CAPN14: variants seen among roughly 807,000 people sequenced by gnomAD.
CAPN14 encodes calpain 14.
Under a neutral mutation model 101.3 loss-of-function variants are expected in CAPN14, and 94 were observed. The observed-to-expected ratio is 0.93, with a 90% CI of 0.79 to 1.10. The LOEUF is 1.10. Ranked by LOEUF, CAPN14 falls within the 50% of genes least tolerant of loss-of-function variation. CAPN14 has a pLI of 0.00. For synonymous variants in CAPN14, 338 were observed against 317.9 expected (o/e 1.06, Z -0.67); for missense variants, 837 against 828.4 (o/e 1.01, Z -0.13).
intron 15 of CAPN14, among the ~76,000 whole-genome samples, chr2:31,187,459 T>C (rs72797132): frequency 0.34 from 49,365 of 145,132 alleles, 9,645 homozygotes; most frequent in African/African-American, 0.55. Context: ...AACTCTGACA[T>C]TCTACTCTGC....
chr2:31,212,726 C>T (rs1682463744), intron 1 of CAPN14, among the ~76,000 whole-genome samples: 1 of 152,222 alleles, frequency 6.6e-6, no homozygotes, highest in African/African-American at 2.4e-5. Flanking sequence ...TACTGAACAC[C>T]TACTATGTGC....
rs1189243008 is a variant in CAPN14 at position 31,199,011 on chromosome 2, GT to G, written c.789+458del. ...TCCTCCTCATTTTCAGATATGGTTT[GT>G]GACCATACCTGACTGTAAGCCCTTT... On this transcript the variant is annotated intron_variant, in intron 7 of 21. Transcript: ENST00000403897. Among the ~76,000 whole-genome samples, 3 of 152,258 alleles carry G rather than the reference GT, an allele frequency of 2.0e-5. No individual in the cohort carries two copies. The East Asian group carries it at 5.8e-4, about 29-fold the overall frequency.
intron 1 of CAPN14, among the ~76,000 whole-genome samples, chr2:31,229,745 A>T (rs1007461454): frequency 2.6e-5 from 4 of 151,822 alleles, no homozygotes; most frequent in African/African-American, 9.7e-5. Context: ...TATATAGCTG[A>T]AGCTCCCTGT....
intron 1 of CAPN14, among the ~76,000 whole-genome samples, chr2:31,206,473 G>A (rs1440831849): frequency 2.0e-5 from 3 of 152,080 alleles, no homozygotes; most frequent in Admixed American, 6.5e-5. Context: ...GGCTGGTCTC[G>A]AACTCCTGAC....
At chr2:31,201,601 C>T (rs1681781880) in intron 5 of CAPN14, among the ~76,000 whole-genome samples, 1 of 152,196 alleles carries the variant, frequency 6.6e-6, no homozygotes. Flanking sequence ...TCCTTCCATC[C>T]CAGGAGCAAA....
chr2:31,227,793 G>A (rs989262751), intron 1 of CAPN14, among the ~76,000 whole-genome samples: 1 of 152,240 alleles, frequency 6.6e-6, no homozygotes, highest in African/African-American at 2.4e-5. Flanking sequence ...GCGTCAGGCT[G>A]AAGACGTGCC....
intron 15 of CAPN14, 63 bp from the exon 16 acceptor site, chr2:31,186,548 G>A: frequency 8.1e-7 from 1 of 1,233,172 alleles, no homozygotes; most frequent in Admixed American, 2.3e-5. Flanking sequence ...AGATGGCAGA[G>A]GGGTCATATG....
At chr2:31,220,811 T>C (rs1257427670), upstream of CAPN14, among the ~76,000 whole-genome samples, 1 of 152,202 alleles carries the variant, frequency 6.6e-6, no homozygotes, top group African/African-American at 2.4e-5. Context: ...GTCATGCTAT[T>C]CCTTGATGTT....
rs545138483 is a variant in CAPN14 at position 31,181,177 on chromosome 2, C to A, written c.1646-177G>T. Among the ~76,000 whole-genome samples the A allele has an allele frequency of 1.6e-3, 246 of 152,172 alleles. 1 individual carries two copies. The highest frequency in any genetic ancestry group is 2.8e-3 in the Non-Finnish European group (190 of 68,002). Reference sequence around the variant, plus strand: ...ACGGGGGGGTGACGGTCGTTCCTACCCATGGAGAAAGTCAAATGCTATAGG... The same window carrying A: ...ACGGGGGGGTGACGGTCGTTCCTACACATGGAGAAAGTCAAATGCTATAGG... On this transcript the variant is annotated intron_variant, in intron 16 of 21. Transcript: ENST00000403897.
chr2:31,211,654 T>C (rs2148699216), intron 1 of CAPN14, among the ~76,000 whole-genome samples: 2 of 120,130 alleles, frequency 1.7e-5, no homozygotes, highest in East Asian at 5.8e-4. Context: ...TATTATTAAA[T>C]GAGCACGTGT....
Position 31,177,239 on chromosome 2 carries a change from C to A in CAPN14, c.1856-97G>T, listed in dbSNP as rs1325603724. 7.1e-6 allele frequency: 5 copies of A among 705,426 alleles called. No individual in the cohort carries two copies. The Admixed American group carries it at 8.4e-5, about 12-fold the overall frequency. 43.7% of individuals were successfully genotyped at this position (705,426 alleles called of 1,614,324 possible). On this transcript the variant is annotated intron_variant, in intron 19 of 21. Transcript: ENST00000403897. ...TTCAAATGTCCCTCCAGTTTAGGGA[C>A]CTGAATCCTGATAGCATGGAAATCT... is the stretch of plus-strand genomic sequence containing the variant.
chr2:31,212,713 A>G (rs11124253), intron 1 of CAPN14, among the ~76,000 whole-genome samples: 112,730 of 152,196 alleles, frequency 0.74, 42,179 homozygotes, highest in East Asian at 1. Context: ...TCATTCACAC[A>G]TTTACTGAAC....
intron 17 of CAPN14, 111 bp from the exon 18 acceptor site, chr2:31,178,690 T>C (rs1029567558): frequency 2.0e-5 from 13 of 644,182 alleles, no homozygotes; most frequent in Admixed American, 1.4e-4. Context: ...CCTCATTCAA[T>C]GTCTGATCAT....
chr2:31,179,024 C>T (rs1680452084), intron 17 of CAPN14, among the ~76,000 whole-genome samples: 1 of 145,124 alleles, frequency 6.9e-6, no homozygotes, highest in African/African-American at 2.5e-5. Context: ...CCTTTCACGC[C>T]TACTTTTTTT....
At chr2:31,220,163 GATTGTTGGA>G (rs1422551292), upstream of CAPN14, among the ~76,000 whole-genome samples, 1 of 152,100 alleles carries the variant, frequency 6.6e-6, no homozygotes, top group Non-Finnish European at 1.5e-5. Context: ...ATGAATCCCT[GATTGTTGGA>G]ATTTGGGGCA....
intron 5 of CAPN14, 52 bp downstream of exon 5, chr2:31,201,808 TGA>T (rs1322718391): frequency 1.9e-6 from 3 of 1,540,654 alleles, no homozygotes; most frequent in Non-Finnish European, 2.6e-6. Context: ...CCCTCAACAT[TGA>T]GAGAGAGAAA....
rs372696547 is a variant in CAPN14, at chr2:31,192,853, AC to A, written c.1114+277del. The stretch of plus-strand genomic sequence containing the variant: ...CTTTTATCATGCCTGTGTGCCTGTG[AC>A]CCCCGGTGCTGACTGCGACAGGGCA... On this transcript the variant is annotated intron_variant, in intron 10 of 21. Coordinates refer to ENST00000403897, the MANE Select transcript of CAPN14 (RefSeq NM_001145122.2). Among the ~76,000 whole-genome samples, 6 of 151,708 alleles carry A rather than the reference AC, an allele frequency of 4.0e-5. No homozygotes were observed. The East Asian group carries it at 1.2e-3, about 30-fold the overall frequency.
intron 1 of CAPN14, among the ~76,000 whole-genome samples, chr2:31,207,786 C>T (rs1184641960): frequency 6.6e-6 from 1 of 152,090 alleles, no homozygotes; most frequent in African/African-American, 2.4e-5. Flanking sequence ...TTAGATTCAA[C>T]AAAAATTAAA....
Position 31,197,346 on chromosome 2 carries a change from G to A in CAPN14, c.790-12C>T. ...TGTTTGCAGGTCACCTGCATAAAAT[G>A]AGAGGCAGTTTAGGTGACTGGGCTG... is the stretch of plus-strand genomic sequence containing the variant. On this transcript the variant is annotated splice_polypyrimidine_tract_variant and intron_variant, in intron 7 of 21. Transcript: ENST00000403897. The A allele has an allele frequency of 2.6e-6, 4 of 1,539,376 alleles. No homozygotes were observed. Among genetic ancestry groups the A allele is most frequent in the Non-Finnish European group, 3.5e-6 (4 of 1,135,804 alleles).
Sources: allele counts gnomAD v4.1 joint callset (sites outside exome capture counted in the v4.1 genomes callset), GRCh38; gene constraint gnomAD v4.1.1; transcripts MANE v1.5; gene names NCBI Gene and HGNC (gene_info 2026-07-23, HGNC 2026-07-21).